The following DOCK7 variants were observed in gnomAD, a reference collection of about 807,000 sequenced individuals.
DOCK7 encodes the protein dedicator of cytokinesis 7.
Under a neutral mutation model 271.0 loss-of-function variants are expected in DOCK7, and 138 were observed. That is an observed-to-expected ratio of 0.51 (90% CI 0.44 to 0.59). The LOEUF is 0.59. Among genes scored for constraint, DOCK7 ranks in the 20% least tolerant of loss-of-function variants. The pLI is 0.00. For synonymous variants in DOCK7, 823 were observed against 876.1 expected (o/e 0.94, Z 1.07); for missense variants, 2,066 against 2,592.4 (o/e 0.80, Z 4.41).
At chr1:62,611,750 T>C (rs1651812616) in intron 14 of DOCK7, among the ~76,000 whole-genome samples, 2 of 152,138 alleles carry the variant, frequency 1.3e-5, no homozygotes, top group South Asian at 4.2e-4. Flanking sequence ...TTAATCAGTA[T>C]ATAATAAGCT....
At chr1:62,647,905 T>C in intron 6 of DOCK7, 129 bp from the exon 7 acceptor site, 1 of 843,308 alleles carries the variant, frequency 1.2e-6, no homozygotes, top group Non-Finnish European at 1.9e-6. Flanking sequence ...GAATGACCTA[T>C]TTATCCACAG....
chr1:62,597,240 A>C (rs1341759212), intron 14 of DOCK7, among the ~76,000 whole-genome samples: 2 of 152,162 alleles, frequency 1.3e-5, no homozygotes, highest in Non-Finnish European at 2.9e-5. Context: ...AAATCTCTTA[A>C]AATCATAAAA....
At chr1:62,612,484 C>T (rs1015040304) in intron 14 of DOCK7, among the ~76,000 whole-genome samples, 1 of 151,894 alleles carries the variant, frequency 6.6e-6, no homozygotes, top group African/African-American at 2.4e-5. Context: ...CCATGGCACA[C>T]GTATACCTAT....
At chr1:62,528,822 C>T (rs1557671882) in intron 30 of DOCK7, among the ~76,000 whole-genome samples, 1 of 152,136 alleles carries the variant, frequency 6.6e-6, no homozygotes, top group Non-Finnish European at 1.5e-5. Flanking sequence ...AGCAATAAAA[C>T]TCTGTAGGTT....
intron 12 of DOCK7, among the ~76,000 whole-genome samples, chr1:62,621,195 G>A (rs570827653): frequency 4.6e-5 from 7 of 151,968 alleles, no homozygotes; most frequent in African/African-American, 1.7e-4. Context: ...AGGAATAGGA[G>A]GAGGAAGAAA....
At chr1:62,683,603 G>A (rs780304700) in intron 1 of DOCK7, among the ~76,000 whole-genome samples, 4 of 152,142 alleles carry the variant, frequency 2.6e-5, no homozygotes, top group Non-Finnish European at 4.4e-5. Flanking sequence ...AGGAAACCTG[G>A]AACTACCACA....
chr1:62,609,975 T>C (rs1331436888), intron 14 of DOCK7, among the ~76,000 whole-genome samples: 1 of 152,036 alleles, frequency 6.6e-6, no homozygotes, highest in Non-Finnish European at 1.5e-5. Context: ...CTCAGACTCC[T>C]GAGTAGCTAG....
intron 12 of DOCK7, among the ~76,000 whole-genome samples, chr1:62,623,286 G>A (rs2149599189): frequency 6.6e-6 from 1 of 152,230 alleles, no homozygotes; most frequent in African/African-American, 2.4e-5. Flanking sequence ...CTTAAAAATA[G>A]TTACAAAAAT....
intron 23 of DOCK7, 70 bp downstream of exon 23, chr1:62,544,877 T>C (rs1645650807): frequency 6.6e-6 from 8 of 1,211,976 alleles, no homozygotes; most frequent in Non-Finnish European, 9.2e-6. Flanking sequence ...AATCATAGTA[T>C]ATACTAAAAA....
chr1:62,667,336 A>G (rs1355447696), intron 1 of DOCK7, among the ~76,000 whole-genome samples: 3 of 152,228 alleles, frequency 2.0e-5, no homozygotes, highest in African/African-American at 7.2e-5. Flanking sequence ...TTTGTATCTG[A>G]GATAGAAGTC....
At chr1:62,618,914 C>T (rs1358813238) in intron 13 of DOCK7, 46 bp from the exon 14 acceptor site, 16 of 1,543,204 alleles carry the variant, frequency 1.0e-5, no homozygotes, top group Non-Finnish European at 1.4e-5. Context: ...ATAAAAAAGT[C>T]CACGTTAAAC....
Position 62,475,802 on chromosome 1 carries a change from C to T in DOCK7, c.5866G>A (p.Glu1956Lys). 1 of 1,614,060 alleles carries T rather than the reference C, an allele frequency of 6.2e-7. No individual in the cohort carries two copies. The highest frequency in any genetic ancestry group is 8.5e-7 in the Non-Finnish European group (1 of 1,179,938). ...PFTLDGRAHG[E>K]LHEQFKRKTI... is the part of the protein sequence containing the mutation. ...TTCCTTTTGAATTGTTCATGAAGTT[C>T]CCCATGGGCACGGCCATCTAAAGTA... The change falls in exon 46 of 50, where the codon GAA (glutamate) becomes AAA (lysine). Residue 1956 changes from glutamate to lysine, a missense_variant. Physicochemically the swap from Glu to Lys is moderately conservative, Grantham distance 56. Around this residue, in one of 2 missense-constraint regions of DOCK7, gnomAD observed 652 missense variants for 922.1 expected, o/e 0.71. Coordinates refer to ENST00000635253, the MANE Select transcript of DOCK7 (RefSeq NM_001367561.1).
chr1:62,565,327 C>T (rs148461536), intron 18 of DOCK7, among the ~76,000 whole-genome samples: 172 of 152,190 alleles, frequency 1.1e-3, no homozygotes, highest in Admixed American at 2.3e-3. Flanking sequence ...TACTGGCAAA[C>T]CGAATGCAGC....
intron 1 of DOCK7, among the ~76,000 whole-genome samples, chr1:62,665,762 C>T (rs1474456535): frequency 6.6e-6 from 1 of 150,782 alleles, no homozygotes; most frequent in Non-Finnish European, 1.5e-5. Context: ...AACTTTCTAC[C>T]TCCCTCATTG....
chr1:62,611,526 A>G (rs1237712878), intron 14 of DOCK7, among the ~76,000 whole-genome samples: 1 of 152,202 alleles, frequency 6.6e-6, no homozygotes, highest in African/African-American at 2.4e-5. Context: ...TGCTCAATAT[A>G]TATTTCAAAA....
chr1:62,588,868 G>A (rs183952827), intron 14 of DOCK7, among the ~76,000 whole-genome samples: 41 of 152,066 alleles, frequency 2.7e-4, no homozygotes, highest in East Asian at 2.5e-3. Context: ...AGCCTCCTAC[G>A]TAGCTGGGAC....
chr1:62,623,571 T>G (rs1364326205), intron 12 of DOCK7, among the ~76,000 whole-genome samples: 1 of 152,156 alleles, frequency 6.6e-6, no homozygotes, highest in Non-Finnish European at 1.5e-5. Flanking sequence ...AACAGCAGGC[T>G]GAAGAAATGA....
chr1:62,625,762 G>C (rs1653871253), intron 11 of DOCK7, among the ~76,000 whole-genome samples: 1 of 152,138 alleles, frequency 6.6e-6, no homozygotes, highest in Non-Finnish European at 1.5e-5. Context: ...TAGTTTGAAA[G>C]AGAATTGTAA....
chr1:62,510,517 C>T, intron 34 of DOCK7, 60 bp downstream of exon 34: 1 of 1,245,638 alleles, frequency 8.0e-7, no homozygotes, highest in Non-Finnish European at 1.1e-6. Context: ...TTATCATTTT[C>T]CTCTTACATT....
Sources: allele counts gnomAD v4.1 joint callset (sites outside exome capture counted in the v4.1 genomes callset), GRCh38; gene constraint gnomAD v4.1.1; regional missense constraint gnomAD v4.1.1; transcripts MANE v1.5; gene names NCBI Gene and HGNC (gene_info 2026-07-23, HGNC 2026-07-21).